Variants in ESRRB observed in about 807,000 individuals in gnomAD.
The protein encoded by ESRRB is estrogen related receptor beta.
A neutral mutation model predicts 46.0 loss-of-function variants in ESRRB; 16 were observed. The ratio of observed to expected loss-of-function variants is 0.35; its 90% CI spans 0.24 to 0.53. ESRRB has a LOEUF of 0.53. ESRRB is among the 20% of genes least tolerant of loss of function. The pLI is 0.93. For missense variants in ESRRB, 488 were observed against 607.4 expected, an observed-to-expected ratio of 0.80 and a Z score of 2.07; for synonymous variants, 246 against 259.6, an observed-to-expected ratio of 0.95 and a Z score of 0.50.
Position 76,500,896 on chromosome 14 carries a change from C to T in ESRRB, c.*2438C>T, listed in dbSNP as rs1469809420. ...TTTATACTTAAAACTCAGATCACAA[C>T]AGGAAATGTGTCAGTAACAATGGAA... is the stretch of plus-strand genomic sequence containing the variant. On this transcript the variant is annotated 3_prime_UTR_variant, in exon 7 of 7. Transcript: ENST00000644823. 4.4e-6 allele frequency: 3 copies of T among 688,254 alleles called. No individual in the cohort carries two copies. Among genetic ancestry groups the T allele is most frequent in the African/African-American group, 3.5e-5 (2 of 57,164 alleles). The allele number at this position is 688,254 out of a possible 1,614,324, so 42.6% of individuals were successfully genotyped here.
intron 1 of ESRRB, among the ~76,000 whole-genome samples, chr14:76,350,005 C>T (rs1884295057): frequency 6.6e-6 from 1 of 152,310 alleles, no homozygotes; most frequent in African/African-American, 2.4e-5. Flanking sequence ...TCTTGGGTAC[C>T]TGTTCCTGTG....
intron 1 of ESRRB, among the ~76,000 whole-genome samples, chr14:76,430,268 AATGGATAGCTCTTG>A (rs1355788845): frequency 1.3e-5 from 2 of 152,188 alleles, no homozygotes; most frequent in Non-Finnish European, 2.9e-5. Context: ...GATCTGCTTT[AATGGATAGCTCTTG>A]ATGGCCCCTG....
At chr14:76,310,947 C>T (rs1390057190) in intron 1 of ESRRB, 3 of 453,076 alleles carry the variant, frequency 6.6e-6, no homozygotes, top group African/African-American at 4.0e-5. Flanking sequence ...CTTTCTCCTC[C>T]CCAGACTCTG....
At position 76,482,177 on chromosome 14, in the gene ESRRB, C is replaced by T. The variant is rs1400840743; in HGVS notation, c.688+51C>T. The T allele has an allele frequency of 7.6e-7, 1 of 1,324,366 alleles. No homozygotes were observed. The highest frequency in any genetic ancestry group is 1.4e-5 in the African/African-American group (1 of 69,464). The allele number at this position is 1,324,366 out of a possible 1,614,324, so 82.0% of individuals were successfully genotyped here. A position where few individuals can be genotyped will look rare whatever the true frequency, so the allele number is the denominator to read the frequency against. ...CTTTTGCCAGCATCTGTACCTGGAA[C>T]ATCAGGCATCCCTTAGGGAAACATC... is the stretch of plus-strand genomic sequence containing the variant. On this transcript the variant is annotated intron_variant, in intron 4 of 6. Coordinates refer to ENST00000644823, the MANE Select transcript of ESRRB (RefSeq NM_001379180.1). The surrounding 1 kb of genome is among the most constrained non-coding windows in gnomAD (Gnocchi z 4.3).
chr14:76,311,974 GAA>G (rs11384140), intron 1 of ESRRB, among the ~76,000 whole-genome samples: 4 of 81,584 alleles, frequency 4.9e-5, no homozygotes, highest in East Asian at 5.2e-4. Flanking sequence ...CCTACATTTT[GAA>G]AAAAAAAAAA....
At chr14:76,496,388 C>T (rs752816685) in intron 6 of ESRRB, among the ~76,000 whole-genome samples, 14 of 94,352 alleles carry the variant, frequency 1.5e-4, no homozygotes, top group Admixed American at 5.8e-4. Context: ...AAGCAAGAGA[C>T]GGTTCGGTAG....
chr14:76,367,150 G>A (rs1884531507), upstream of ESRRB, among the ~76,000 whole-genome samples: 1 of 152,052 alleles, frequency 6.6e-6, no homozygotes, highest in Non-Finnish European at 1.5e-5. Context: ...GTAAGGGGAG[G>A]GGAGATGCCA....
chr14:76,424,391 C>T (rs145280675), intron 1 of ESRRB, among the ~76,000 whole-genome samples: 1,696 of 152,274 alleles, frequency 0.011, 18 homozygotes, highest in African/African-American at 0.022. Flanking sequence ...GCTCCTGGGG[C>T]GCTGGCTGAT....
intron 1 of ESRRB, among the ~76,000 whole-genome samples, chr14:76,424,697 A>G (rs1016223052): frequency 2.6e-5 from 4 of 152,118 alleles, no homozygotes; most frequent in Non-Finnish European, 5.9e-5. Flanking sequence ...CACTGGGCAG[A>G]GCTCACCTGG....
At chr14:76,327,213 T>C (rs941081629) in intron 1 of ESRRB, among the ~76,000 whole-genome samples, 1 of 152,228 alleles carries the variant, frequency 6.6e-6, no homozygotes, top group Non-Finnish European at 1.5e-5. Context: ...TGCAGCTGCC[T>C]GCGTGTCACC....
chr14:76,332,914 TTA>T (rs1458949262), intron 1 of ESRRB, among the ~76,000 whole-genome samples: 5 of 45,658 alleles, frequency 1.1e-4, no homozygotes, highest in South Asian at 7.7e-4. Flanking sequence ...TACTTATATA[TTA>T]TATATATTTA....
chr14:76,329,610 G>A (rs1206590391), intron 1 of ESRRB, among the ~76,000 whole-genome samples: 2 of 152,046 alleles, frequency 1.3e-5, no homozygotes, highest in African/African-American at 4.8e-5. Context: ...TTAAATCACC[G>A]AGGTGCCCAT....
intron 2 of ESRRB, among the ~76,000 whole-genome samples, chr14:76,457,338 T>C (rs8010338): frequency 0.44 from 66,446 of 152,030 alleles, 17,731 homozygotes; most frequent in African/African-American, 0.76. Context: ...AAAAGACTTA[T>C]CCTGGAATCC....
chr14:76,437,630 G>A (rs1393495075), intron 1 of ESRRB, among the ~76,000 whole-genome samples: 2 of 152,156 alleles, frequency 1.3e-5, no homozygotes, highest in African/African-American at 4.8e-5. Flanking sequence ...TACCTCCATA[G>A]GGGGAGGCTC....
Position 76,391,420 on chromosome 14 carries a change from G to A in ESRRB, c.50+14969G>A, listed in dbSNP as rs561912686. Among the ~76,000 whole-genome samples, 37 of 152,370 alleles carry A rather than the reference G, an allele frequency of 2.4e-4. 1 individual carries two copies. Among genetic ancestry groups the A allele is most frequent in the African/African-American group, 8.9e-4 (37 of 41,590 alleles). On this transcript the variant is annotated intron_variant, in intron 1 of 6. Coordinates refer to ENST00000644823, the MANE Select transcript of ESRRB (RefSeq NM_001379180.1). Reference sequence around the variant, plus strand: ...CAGCCCAGCCCTTTTCCGATGGCAAGTGCACTACAAGCCCACAGACCGCTG... The same window carrying A: ...CAGCCCAGCCCTTTTCCGATGGCAAATGCACTACAAGCCCACAGACCGCTG...
chr14:76,467,500 CAA>C (rs397709875), intron 3 of ESRRB, among the ~76,000 whole-genome samples: 3,675 of 91,636 alleles, frequency 0.04, 174 homozygotes, highest in African/African-American at 0.13. Context: ...GCCTCTGTCT[CAA>C]AAAAAAAAAA....
At chr14:76,469,550 T>TA (rs1198153743) in intron 3 of ESRRB, among the ~76,000 whole-genome samples, 1 of 152,214 alleles carries the variant, frequency 6.6e-6, no homozygotes, top group East Asian at 1.9e-4. Flanking sequence ...TAAAAAATGT[T>TA]AAAAAAATTT....
At chr14:76,346,032 C>T (rs1884245783) in intron 1 of ESRRB, among the ~76,000 whole-genome samples, 1 of 152,142 alleles carries the variant, frequency 6.6e-6, no homozygotes, top group South Asian at 2.1e-4. Context: ...TGCCTCTCTC[C>T]TGGTATCCGG....
chr14:76,439,076 T>C (rs1887796798), intron 1 of ESRRB, among the ~76,000 whole-genome samples: 1 of 152,136 alleles, frequency 6.6e-6, no homozygotes. Flanking sequence ...TGCTGGGATT[T>C]ACAGGTGTGA....
Sources: gnomAD v4.1 joint callset for allele counts (sites outside exome capture counted in the v4.1 genomes callset) on GRCh38, gnomAD v4.1.1 for gene constraint, Gnocchi (gnomAD v3.1) non-coding constraint, MANE v1.5 for transcripts, NCBI Gene and HGNC (gene_info 2026-07-23, HGNC 2026-07-21) for gene names.